ZNF326: variants seen among roughly 807,000 people sequenced by gnomAD.
ZNF326 encodes zinc finger protein 326.
A neutral mutation model predicts 63.1 loss-of-function variants in ZNF326; 30 were observed. The ratio of observed to expected loss-of-function variants is 0.48; its 90% CI spans 0.36 to 0.64. The LOEUF (loss-of-function observed/expected upper bound fraction) is 0.64, where lower values mean the gene tolerates loss of function less well. ZNF326 is among the 30% of genes least tolerant of loss of function. The pLI is 0.00. For synonymous variants in ZNF326, 194 were observed against 228.2 expected (o/e 0.85, Z 1.35); for missense variants, 609 against 720.3 (o/e 0.85, Z 1.77).
Position 90,007,416 on chromosome 1 carries a change from G to A in ZNF326, c.281G>A (p.Gly94Asp), listed in dbSNP as rs753434426. 1 of 1,614,042 alleles carries A rather than the reference G, an allele frequency of 6.2e-7. No homozygotes were observed. The highest frequency in any genetic ancestry group is 2.2e-5 in the East Asian group (1 of 44,876). ...CGAGATCTGTACAGATCTGGCTATGGTTTTAATGAACCCGAACAAAGCCGC... is the reference window on the plus strand; with the variant it reads ...CGAGATCTGTACAGATCTGGCTATGATTTTAATGAACCCGAACAAAGCCGC... ...GGRDLYRSGY[G>D]FNEPEQSRFG... Residue 94 changes from glycine (G) to aspartate (D), a missense_variant, in exon 5 of 12, where the codon GGT becomes GAT. Transcript: ENST00000340281. The surrounding 1 kb of genome is among the most constrained non-coding windows in gnomAD (Gnocchi z 4.9).
intron 8 of ZNF326, 76 bp downstream of exon 8, chr1:90,017,540 T>C: frequency 7.5e-7 from 1 of 1,326,000 alleles, no homozygotes; most frequent in Non-Finnish European, 1.0e-6. Flanking sequence ...ACTCTCCCCA[T>C]CTCTCACATT....
rs138078333 is a variant in ZNF326, at chr1:90,022,548, C to T, written c.1401+203C>T. ...GGAGCAGTGATTCCTCTCTTATCAC[C>T]TTTGTAGCTCTGAATCAATGAGAAA... is the stretch of plus-strand genomic sequence containing the variant. On this transcript the variant is annotated intron_variant, in intron 11 of 11. Coordinates refer to ENST00000340281, the MANE Select transcript of ZNF326 (RefSeq NM_182976.4). 1.4e-3 allele frequency among the ~76,000 whole-genome samples: 206 copies of T among 152,198 alleles called. 1 individual carries two copies. Among genetic ancestry groups the T allele is most frequent in the African/African-American group, 4.6e-3 (191 of 41,526 alleles).
intron 7 of ZNF326, among the ~76,000 whole-genome samples, chr1:90,015,449 G>T (rs1471754618): frequency 6.6e-6 from 1 of 152,188 alleles, no homozygotes; most frequent in Admixed American, 6.5e-5. Flanking sequence ...GGAGGCCAAG[G>T]CAGGCGGATT....
chr1:90,011,301 ATGCTATAGT>A (rs1409547769), intron 6 of ZNF326, among the ~76,000 whole-genome samples: 3 of 152,200 alleles, frequency 2.0e-5, no homozygotes, highest in Non-Finnish European at 2.9e-5. Context: ...AGGTCTTGCT[ATGCTATAGT>A]ATAGACTATG....
chr1:90,002,474 T>C (rs760605156), intron 2 of ZNF326, among the ~76,000 whole-genome samples: 4 of 152,206 alleles, frequency 2.6e-5, no homozygotes, highest in Admixed American at 6.5e-5. Context: ...TATTTTTTAA[T>C]ATGAGGCCTT....
intron 2 of ZNF326, among the ~76,000 whole-genome samples, chr1:90,004,300 A>G (rs1437909102): frequency 6.6e-6 from 1 of 152,160 alleles, no homozygotes; most frequent in Non-Finnish European, 1.5e-5. Context: ...TTTTAAAAAT[A>G]TCTGTTTCAA....
intron 2 of ZNF326, among the ~76,000 whole-genome samples, 195 bp from the exon 3 acceptor site, chr1:90,004,798 CTTTTTTTTTT>C (rs34878438): frequency 1.0e-4 from 7 of 68,126 alleles, no homozygotes; most frequent in East Asian, 5.1e-4. Context: ...AATATCAGGG[CTTTTTTTTTT>C]TTTTTTTTTT....
At chr1:90,005,627 T>C (rs1221387294) in intron 4 of ZNF326, 2 of 941,198 alleles carry the variant, frequency 2.1e-6, no homozygotes, top group African/African-American at 1.8e-5. Flanking sequence ...TCTTTTCTAA[T>C]GTGGGGTGCT....
At chr1:89,996,042 A>G (rs568281721) in intron 1 of ZNF326, among the ~76,000 whole-genome samples, 1 of 152,338 alleles carries the variant, frequency 6.6e-6, no homozygotes, top group Non-Finnish European at 1.5e-5. Flanking sequence ...TGACTTACGG[A>G]TTAAATAAAC....
rs79080100 is a variant in ZNF326 at position 90,004,413 on chromosome 1, T to G, written c.62-590T>G. On this transcript the variant is annotated intron_variant, in intron 2 of 11. Transcript: ENST00000340281. Reference sequence around the variant, plus strand: ...ACAAGTATAGTCTACTGCTGTCATATAGGACAAAAATTTCCCCTTTGACTT... The same window carrying G: ...ACAAGTATAGTCTACTGCTGTCATAGAGGACAAAAATTTCCCCTTTGACTT... Among the ~76,000 whole-genome samples, 347 of 152,358 alleles carry G rather than the reference T, an allele frequency of 2.3e-3. No individual in the cohort carries two copies. The East Asian group carries it at 0.025, about 11-fold the overall frequency.
intron 6 of ZNF326, among the ~76,000 whole-genome samples, chr1:90,012,762 A>G: frequency 6.6e-6 from 1 of 152,212 alleles, no homozygotes; most frequent in South Asian, 2.1e-4. Flanking sequence ...ATGCTCGGTC[A>G]GGTTACTTTA....
At chr1:90,012,908 A>G (rs1490698383) in intron 6 of ZNF326, among the ~76,000 whole-genome samples, 2 of 152,042 alleles carry the variant, frequency 1.3e-5, no homozygotes, top group Non-Finnish European at 2.9e-5. Flanking sequence ...ACAAGCAGAT[A>G]TGACAGAATT....
chr1:90,022,229 A>C (rs752527940), intron 10 of ZNF326, 21 bp from the exon 11 acceptor site: 1 of 1,518,910 alleles, frequency 6.6e-7, no homozygotes. Flanking sequence ...AAGAACCCTC[A>C]GTGTGTTCTG....
chr1:90,004,212 G>A (rs1311082695), intron 2 of ZNF326, among the ~76,000 whole-genome samples: 1 of 150,796 alleles, frequency 6.6e-6, no homozygotes, highest in African/African-American at 2.4e-5. Flanking sequence ...TGTTCACATT[G>A]CTAGAATTTG....
chr1:89,998,255 T>G (rs1648499277), intron 2 of ZNF326, 101 bp downstream of exon 2: 1 of 1,048,342 alleles, frequency 9.5e-7, no homozygotes, highest in African/African-American at 1.6e-5. Flanking sequence ...TGGTTCTTGA[T>G]ATATCATTTA....
chr1:90,020,912 A>G lies in ZNF326; in HGVS notation c.1295A>G (p.Lys432Arg), dbSNP rs1218611881. ...QQHLKSPDHI[K>R]GKQAYKEQIK... ...CACTTAAAATCTCCTGATCATATCA[A>G]AGGGAAGCAGGTAAAATTTTCATCT... Residue 432 changes from lysine to arginine, a missense_variant, in exon 10 of 12, where the codon AAA becomes AGA. This residue lies in a region of ZNF326 where 399 missense variants were observed against 444.3 expected (regional missense o/e 0.90). Transcript: ENST00000340281. 1 of 1,612,028 alleles carries G rather than the reference A, an allele frequency of 6.2e-7. No homozygotes were observed. Among genetic ancestry groups the G allele is most frequent in the Non-Finnish European group, 8.5e-7 (1 of 1,179,016 alleles).
chr1:89,995,145 C>G lies in ZNF326; in HGVS notation c.-113C>G, dbSNP rs1311488674. 3 of 1,332,828 alleles carry G rather than the reference C, an allele frequency of 2.3e-6. No individual in the cohort carries two copies. Among genetic ancestry groups the G allele is most frequent in the East Asian group, 2.9e-5 (1 of 34,280 alleles). 82.6% of individuals were successfully genotyped at this position (1,332,828 alleles called of 1,614,324 possible). ...TGGCCTGCGGCTCCCGGGCTGGTAGCGCGCCGCTCTCGGTCGCGCGGAGTG... is the reference window on the plus strand; with the variant it reads ...TGGCCTGCGGCTCCCGGGCTGGTAGGGCGCCGCTCTCGGTCGCGCGGAGTG... On this transcript the variant is annotated 5_prime_UTR_variant, in exon 1 of 12. Transcript: ENST00000340281.
intron 6 of ZNF326, among the ~76,000 whole-genome samples, chr1:90,012,225 G>C (rs1196607636): frequency 6.6e-6 from 1 of 152,080 alleles, no homozygotes. Context: ...ACAGAAGAAT[G>C]GTTTAAAAAA....
chr1:90,001,574 G>A (rs1648683061), intron 2 of ZNF326, among the ~76,000 whole-genome samples: 2 of 149,102 alleles, frequency 1.3e-5, no homozygotes, highest in Non-Finnish European at 3.0e-5. Flanking sequence ...TTTTTTTGAG[G>A]TGGAGTTTCT....
Sources: allele counts gnomAD v4.1 joint callset (sites outside exome capture counted in the v4.1 genomes callset), GRCh38; gene constraint gnomAD v4.1.1; regional missense constraint gnomAD v4.1.1; non-coding constraint Gnocchi (gnomAD v3.1); transcripts MANE v1.5; gene names NCBI Gene and HGNC (gene_info 2026-07-23, HGNC 2026-07-21).